Variants in CPXM2 observed in about 807,000 individuals in gnomAD.
CPXM2 encodes inactive carboxypeptidase-like protein X2.
CPXM2 carries 66 observed loss-of-function variants against 86.1 expected under a neutral mutation model. The ratio of observed to expected loss-of-function variants is 0.77; its 90% CI spans 0.63 to 0.94. The LOEUF (loss-of-function observed/expected upper bound fraction) is 0.94, where lower values mean the gene tolerates loss of function less well. Among genes scored for constraint, CPXM2 ranks in the 40% least tolerant of loss-of-function variants. The pLI, the probability that CPXM2 is intolerant of heterozygous loss-of-function variation, is 0.00. For missense variants in CPXM2, 948 were observed against 1,026.3 expected, an observed-to-expected ratio of 0.92 and a Z score of 1.04; for synonymous variants, 388 against 400.2, an observed-to-expected ratio of 0.97 and a Z score of 0.36.
intron 2 of CPXM2, among the ~76,000 whole-genome samples, chr10:123,876,171 T>C (rs545009444): frequency 4.3e-4 from 66 of 152,206 alleles, no homozygotes; most frequent in African/African-American, 1.6e-3. Flanking sequence ...AAAGACCACT[T>C]CCTTGAAAGG....
intron 13 of CPXM2, among the ~76,000 whole-genome samples, 178 bp from the exon 14 acceptor site, chr10:123,747,195 T>C (rs1845987562): frequency 6.6e-6 from 1 of 152,198 alleles, no homozygotes; most frequent in South Asian, 2.1e-4. Context: ...TGTTTTCCTC[T>C]CTGAAAGCTG....
intron 2 of CPXM2, among the ~76,000 whole-genome samples, chr10:123,927,536 C>T (rs1945633835): frequency 6.6e-6 from 1 of 152,206 alleles, no homozygotes; most frequent in African/African-American, 2.4e-5. Flanking sequence ...AGGAGACTAA[C>T]GCACCTTGCC....
At chr10:123,909,759 C>T (rs1246969369) in intron 2 of CPXM2, among the ~76,000 whole-genome samples, 1 of 152,138 alleles carries the variant, frequency 6.6e-6, no homozygotes, top group Non-Finnish European at 1.5e-5. Flanking sequence ...ACTATAACCA[C>T]TCTCCTCTTC....
At chr10:123,821,300 A>T (rs1847918716) in intron 4 of CPXM2, among the ~76,000 whole-genome samples, 1 of 152,224 alleles carries the variant, frequency 6.6e-6, no homozygotes. Flanking sequence ...GTTTGACTTC[A>T]TGGTCCACTT....
intron 13 of CPXM2, chr10:123,751,634 A>T: frequency 1.0e-6 from 1 of 985,414 alleles, no homozygotes; most frequent in Non-Finnish European, 1.2e-6. Flanking sequence ...TCTAACTCAA[A>T]GCATTCCTAC....
At chr10:123,938,072 A>T (rs1463853813) in intron 2 of CPXM2, among the ~76,000 whole-genome samples, 1 of 151,150 alleles carries the variant, frequency 6.6e-6, no homozygotes, top group Non-Finnish European at 1.5e-5. Flanking sequence ...CTTACAAGAG[A>T]TTTCTCTCCC....
chr10:123,896,773 C>T (rs755615773), upstream of CPXM2, among the ~76,000 whole-genome samples: 8 of 152,294 alleles, frequency 5.3e-5, no homozygotes, highest in Admixed American at 3.9e-4. Flanking sequence ...CAGGATACAC[C>T]GGAGCCTGCT....
chr10:123,861,797 C>T (rs1051239979), intron 3 of CPXM2, among the ~76,000 whole-genome samples: 2 of 152,190 alleles, frequency 1.3e-5, no homozygotes, highest in African/African-American at 4.8e-5. Context: ...TGATTTAGCC[C>T]AAGGAGACGT....
chr10:123,842,441 T>G lies in CPXM2; in HGVS notation c.561A>C (p.Gly187=). 1 of 1,614,186 alleles carries G rather than the reference T, an allele frequency of 6.2e-7. No individual in the cohort carries two copies. Among genetic ancestry groups the G allele is most frequent in the Non-Finnish European group, 8.5e-7 (1 of 1,180,030 alleles). The change falls in exon 4 of 14, where the codon GGA becomes GGC. Residue 187 remains glycine, a synonymous_variant. Transcript: ENST00000241305. ...NDFYDGAWCA[G]RNDLQQWIEV... Reference sequence around the variant, plus strand: ...CAATCCACTGCTGGAGGTCATTTCTTCCCGCGCACCACGCTCCGTCATAAA... The same window carrying G: ...CAATCCACTGCTGGAGGTCATTTCTGCCCGCGCACCACGCTCCGTCATAAA...
chr10:123,800,948 G>A (rs371720456), intron 4 of CPXM2, among the ~76,000 whole-genome samples: 2 of 151,720 alleles, frequency 1.3e-5, no homozygotes, highest in South Asian at 4.2e-4. Flanking sequence ...TGCTTTAAAC[G>A]AACTGATTCA....
At chr10:123,802,039 A>AGC (rs1168190955) in intron 4 of CPXM2, among the ~76,000 whole-genome samples, 1 of 152,148 alleles carries the variant, frequency 6.6e-6, no homozygotes, top group Non-Finnish European at 1.5e-5. Context: ...CATCTCACAG[A>AGC]TGGAGGAAGG....
intron 11 of CPXM2, among the ~76,000 whole-genome samples, chr10:123,757,555 C>T (rs529145210): frequency 5.3e-5 from 8 of 152,184 alleles, no homozygotes; most frequent in African/African-American, 1.9e-4. Context: ...AAGATGCAGC[C>T]GGAATGGTTT....
At position 123,746,522 on chromosome 10, in the gene CPXM2, T is replaced by C. The variant is rs1005544526; in HGVS notation, c.*242A>G. 2.7e-5 allele frequency: 15 copies of C among 548,604 alleles called. No individual in the cohort carries two copies. In the African/African-American group the frequency reaches 2.8e-4, roughly 10 times the overall value. 34.0% of individuals were successfully genotyped at this position (548,604 alleles called of 1,614,324 possible). On this transcript the variant is annotated 3_prime_UTR_variant, in exon 14 of 14. Coordinates refer to ENST00000241305, the MANE Select transcript of CPXM2 (RefSeq NM_198148.3). ...ATTCCCAGGTTGGCTTGCTGAGTTC[T>C]CTCACTCCCATCAGCTTTTCTCTGC...
intron 4 of CPXM2, among the ~76,000 whole-genome samples, chr10:123,841,666 T>G (rs553504695): frequency 1.1e-4 from 16 of 152,364 alleles, no homozygotes; most frequent in African/African-American, 3.8e-4. Flanking sequence ...TGTACCCATG[T>G]GTAGCATGTG....
chr10:123,784,804 T>C (rs191653604), intron 6 of CPXM2, among the ~76,000 whole-genome samples: 238 of 152,332 alleles, frequency 1.6e-3, no homozygotes, highest in African/African-American at 5.6e-3. Flanking sequence ...CCTCTTCAGC[T>C]ATGATGACTA....
At chr10:123,914,304 C>G (rs1018887729) in intron 2 of CPXM2, among the ~76,000 whole-genome samples, 4 of 152,308 alleles carry the variant, frequency 2.6e-5, no homozygotes, top group Middle Eastern at 3.4e-3. Context: ...CCTGACCAGG[C>G]CTTCTCTGCC....
upstream of CPXM2, among the ~76,000 whole-genome samples, chr10:123,892,903 C>G (rs546746944): frequency 1.3e-5 from 2 of 152,326 alleles, no homozygotes; most frequent in Middle Eastern, 6.8e-3. Context: ...CTGGTCCTCG[C>G]ACGTGGGCCC....
At chr10:123,780,581 A>G (rs574636937) in intron 6 of CPXM2, among the ~76,000 whole-genome samples, 1 of 152,286 alleles carries the variant, frequency 6.6e-6, no homozygotes, top group East Asian at 1.9e-4. Context: ...ACCTCCCTCA[A>G]TGGTTTATTT....
intron 2 of CPXM2, among the ~76,000 whole-genome samples, chr10:123,933,097 C>T (rs552125515): frequency 6.6e-6 from 1 of 152,174 alleles, no homozygotes; most frequent in Non-Finnish European, 1.5e-5. Context: ...AGTAAAGCTA[C>T]CTTGAATGCG....
Sources: allele counts gnomAD v4.1 joint callset (sites outside exome capture counted in the v4.1 genomes callset), GRCh38; gene constraint gnomAD v4.1.1; transcripts MANE v1.5; gene names NCBI Gene and HGNC (gene_info 2026-07-23, HGNC 2026-07-21).